Variants in PRKCSH observed in about 807,000 individuals in gnomAD.
PRKCSH encodes the protein PRKCSH beta subunit of glucosidase II.
In PRKCSH, 42 loss-of-function variants were observed where a neutral mutation model predicts 79.7. The observed-to-expected ratio is 0.53, with a 90% confidence interval of 0.41 to 0.68. The LOEUF is 0.68. Ranked by LOEUF, PRKCSH falls within the 30% of genes least tolerant of loss-of-function variation. The probability of loss-of-function intolerance (pLI) is 0.00; values close to 1 mark genes in which losing one functional copy is unlikely to be tolerated. For missense variants in PRKCSH, 686 were observed against 709.0 expected (o/e 0.97, Z 0.37); for synonymous variants, 325 against 288.2 (o/e 1.13, Z -1.29).
Position 11,447,325 on chromosome 19 carries a change from C to T in PRKCSH, c.850-114C>T. 7.4e-7 allele frequency: 1 copy of T among 1,352,230 alleles called. No individual in the cohort carries two copies. Among genetic ancestry groups the T allele is most frequent in the Non-Finnish European group, 1.0e-6 (1 of 968,798 alleles). The allele number at this position is 1,352,230 out of a possible 1,614,324, so 83.8% of individuals were successfully genotyped here. On this transcript the variant is annotated intron_variant, in intron 10 of 17. Transcript: ENST00000677123. The surrounding 1 kb of genome is among the most constrained non-coding windows in gnomAD (Gnocchi z 5.6). ...CGACCCCAGCTGTCGGTCCTCCCTG[C>T]AGGCCCCGCAGGAGGGGCAGAGACA... is the stretch of plus-strand genomic sequence containing the variant.
intron 7 of PRKCSH, among the ~76,000 whole-genome samples, chr19:11,444,635 C>T (rs539544875): frequency 6.6e-6 from 1 of 152,310 alleles, no homozygotes; most frequent in East Asian, 1.9e-4. Flanking sequence ...GGAAGTTAAT[C>T]ATTGGAGCCG....
chr19:11,449,457 C>T lies in PRKCSH; in HGVS notation c.*16+29C>T. 1.9e-6 allele frequency: 3 copies of T among 1,611,740 alleles called. No individual in the cohort carries two copies. The highest frequency in any genetic ancestry group is 2.5e-6 in the Non-Finnish European group (3 of 1,179,568). On this transcript the variant is annotated intron_variant, in intron 17 of 17. Coordinates refer to ENST00000677123, the MANE Select transcript of PRKCSH (RefSeq NM_001289104.2). The surrounding 1 kb of genome is among the most constrained non-coding windows in gnomAD (Gnocchi z 6.4). ...GGCGGGGAGGTGGAGTCTCGTCGGC[C>T]TGCCCCAGCAAGGGGAGGCGGCGGG... is the stretch of plus-strand genomic sequence containing the variant.
At chr19:11,438,933 G>T (rs982844908) in intron 5 of PRKCSH, among the ~76,000 whole-genome samples, 5 of 151,476 alleles carry the variant, frequency 3.3e-5, no homozygotes, top group African/African-American at 1.2e-4. Context: ...TTTGAGACAG[G>T]GTCTCACTCT....
chr19:11,436,444 C>T lies in PRKCSH; in HGVS notation c.135C>T (p.Thr45=), dbSNP rs776423506. The T allele has an allele frequency of 3.1e-6, 5 of 1,614,072 alleles. No individual in the cohort carries two copies. The highest frequency in any genetic ancestry group is 2.7e-5 in the African/African-American group (2 of 74,932). Residue 45 remains threonine (T), a synonymous_variant, in exon 3 of 18, where the codon ACC becomes ACT. Coordinates refer to ENST00000677123, the MANE Select transcript of PRKCSH (RefSeq NM_001289104.2). The stretch of plus-strand genomic sequence containing the variant: ...TCACCTGCCTGGACGGTTCGGCCAC[C>T]ATCCCATTTGATCAGGTCAACGATG... ...KPFTCLDGSA[T]IPFDQVNDDY...
intron 1 of PRKCSH, 78 bp downstream of exon 1, chr19:11,435,784 A>G (rs1275742442): frequency 7.1e-7 from 1 of 1,403,154 alleles, no homozygotes; most frequent in South Asian, 1.2e-5. Context: ...GTGGGTGTGG[A>G]CGGCGGAGGC....
intron 5 of PRKCSH, among the ~76,000 whole-genome samples, chr19:11,439,618 T>C (rs1433694503): frequency 1.5e-5 from 2 of 131,880 alleles, no homozygotes; most frequent in African/African-American, 2.9e-5. Flanking sequence ...TTTTTTTTTT[T>C]TTTTTTTTTT....
intron 17 of PRKCSH, 93 bp from the exon 18 acceptor site, chr19:11,450,553 C>G (rs984224440): frequency 2.6e-5 from 4 of 152,194 alleles, no homozygotes; most frequent in African/African-American, 9.6e-5. Flanking sequence ...AATGATCCTC[C>G]CACCTCAGCC....
In PRKCSH at chr19:11,449,357, C is replaced by T; in HGVS notation, c.1553C>T (p.Ala518Val). The T allele has an allele frequency of 6.2e-7, 1 of 1,613,464 alleles. No homozygotes were observed. The highest frequency in any genetic ancestry group is 8.5e-7 in the Non-Finnish European group (1 of 1,179,968). The change falls in exon 17 of 18, where the codon GCC becomes GTC. Residue 518 changes from alanine (A) to valine (V), a missense_variant. Ala to Val is a moderately conservative substitution (Grantham distance 64, BLOSUM62 0). Coordinates refer to ENST00000677123, the MANE Select transcript of PRKCSH (RefSeq NM_001289104.2). This position sits in a 1 kb window ranked among gnomAD's most constrained non-coding sequence, Gnocchi z 6.4. ...EYLMELMTPA[A>V]CPEPPPEAPT... ...CTCATGGAGCTGATGACGCCAGCCGCCTGCCCGGAGCCACCGCCTGAAGCA... is the reference window on the plus strand; with the variant it reads ...CTCATGGAGCTGATGACGCCAGCCGTCTGCCCGGAGCCACCGCCTGAAGCA...
chr19:11,444,541 G>A (rs550850765), intron 7 of PRKCSH, among the ~76,000 whole-genome samples: 11 of 152,278 alleles, frequency 7.2e-5, no homozygotes, highest in African/African-American at 2.4e-4. Context: ...CTCTCTAGAG[G>A]AAATACCAGC....
At chr19:11,438,185 A>T in intron 5 of PRKCSH, 61 bp downstream of exon 5, 1 of 1,561,880 alleles carries the variant, frequency 6.4e-7, no homozygotes, top group Non-Finnish European at 8.8e-7. Context: ...GGCTCCACCC[A>T]GTGAATCGGG....
rs1417252757 is a variant in PRKCSH at position 11,447,090 on chromosome 19, A to G, written c.779A>G (p.Asp260Gly). The stretch of plus-strand genomic sequence containing the variant: ...CACACACAGGCCCTCCTCAGTGGGG[A>G]CACACAGACAGACGCCACCTCTTTC... ...EAEAQALLSGDTQTDATSFYD... is the reference protein window; with the variant it reads ...EAEAQALLSGGTQTDATSFYD... The change falls in exon 10 of 18, where the codon GAC becomes GGC. Residue 260 changes from aspartate (D) to glycine (G), a missense_variant. Asp to Gly is a moderately conservative substitution (Grantham distance 94). This residue lies in a region of PRKCSH where 549 missense variants were observed against 520.2 expected (regional missense o/e 1.06). Coordinates refer to ENST00000677123, the MANE Select transcript of PRKCSH (RefSeq NM_001289104.2). This position sits in a 1 kb window ranked among gnomAD's most constrained non-coding sequence, Gnocchi z 5.6. 6.2e-6 allele frequency: 10 copies of G among 1,613,888 alleles called. No homozygotes were observed. The highest frequency in any genetic ancestry group is 8.5e-6 in the Non-Finnish European group (10 of 1,179,846).
At chr19:11,444,590 G>C (rs933681614) in intron 7 of PRKCSH, among the ~76,000 whole-genome samples, 3 of 152,168 alleles carry the variant, frequency 2.0e-5, no homozygotes, top group Non-Finnish European at 4.4e-5. Flanking sequence ...GCTGGAGCTT[G>C]GTATACAGTG....
At chr19:11,446,143 C>T (rs777568155) in intron 8 of PRKCSH, 129 bp from the exon 9 acceptor site, 55 of 953,066 alleles carry the variant, frequency 5.8e-5, no homozygotes, top group Non-Finnish European at 7.8e-5. Flanking sequence ...GAGGCCCCTA[C>T]ACCTTGAGGT....
chr19:11,439,406 ATAAAAAGTAAAAAAAAAAAAT>A (rs560043513), intron 5 of PRKCSH, among the ~76,000 whole-genome samples: 171 of 150,476 alleles, frequency 1.1e-3, no homozygotes, highest in African/African-American at 3.9e-3. Flanking sequence ...CCCTATCTCT[ATAAAAAGTAAAAAAAAAAAAT>A]TAAAAAGTAA....
chr19:11,448,268 GA>G lies in PRKCSH; in HGVS notation c.1175del (p.Lys392ArgfsTer79). 1 of 1,572,396 alleles carries G rather than the reference GA, an allele frequency of 6.4e-7. No individual in the cohort carries two copies. The highest frequency in any genetic ancestry group is 8.6e-7 in the Non-Finnish European group (1 of 1,158,442). ...NKFEEAERSLKDMEESIRNLE... is the reference protein window; with the variant it reads ...NKFEEAERSLXDMEESIRNLE... ...AGTTCGAGGAGGCCGAGCGGTCGCT[GA>G]AGGACATGGAGGAGTCCATCAGGTA... On this transcript the variant is annotated frameshift_variant, in exon 13 of 18. Coordinates refer to ENST00000677123, the MANE Select transcript of PRKCSH (RefSeq NM_001289104.2). LOFTEE classifies it high-confidence loss of function. This position sits in a 1 kb window ranked among gnomAD's most constrained non-coding sequence, Gnocchi z 4.4.
At chr19:11,435,772 G>T (rs931960011) in intron 1 of PRKCSH, 66 bp downstream of exon 1, 1 of 1,393,542 alleles carries the variant, frequency 7.2e-7, no homozygotes, top group Non-Finnish European at 9.5e-7. Context: ...GAGGGTGCAT[G>T]TGTGGGTGTG....
At chr19:11,442,272 T>C in intron 6 of PRKCSH, 114 bp from the exon 7 acceptor site, 1 of 1,419,578 alleles carries the variant, frequency 7.0e-7, no homozygotes, top group Non-Finnish European at 9.6e-7. Context: ...CCCAGCTTGG[T>C]GTGTGTTTTG....
At chr19:11,442,257 A>G in intron 6 of PRKCSH, 129 bp from the exon 7 acceptor site, 1 of 1,371,264 alleles carries the variant, frequency 7.3e-7, no homozygotes. Flanking sequence ...AGCTCGGGAG[A>G]GAGACCCAGC....
Position 11,448,322 on chromosome 19 carries a change from T to C in PRKCSH, c.1196+31T>C. 1 of 1,561,744 alleles carries C rather than the reference T, an allele frequency of 6.4e-7. No homozygotes were observed. Among genetic ancestry groups the C allele is most frequent in the South Asian group, 1.2e-5 (1 of 85,082 alleles). On this transcript the variant is annotated intron_variant, in intron 13 of 17. Transcript: ENST00000677123. The surrounding 1 kb of genome is among the most constrained non-coding windows in gnomAD (Gnocchi z 4.4). Reference sequence around the variant, plus strand: ...GGGGGCTGAGGAGCGGGGACACCTGTCCCACAGCGACTGCTCCTTGACTCC... The same window carrying C: ...GGGGGCTGAGGAGCGGGGACACCTGCCCCACAGCGACTGCTCCTTGACTCC...
Sources: gnomAD v4.1 joint callset for allele counts (sites outside exome capture counted in the v4.1 genomes callset) on GRCh38, gnomAD v4.1.1 for gene constraint, gnomAD v4.1.1 regional missense constraint, Gnocchi (gnomAD v3.1) non-coding constraint, MANE v1.5 for transcripts, NCBI Gene and HGNC (gene_info 2026-07-23, HGNC 2026-07-21) for gene names.